Variants in MIDEAS observed in about 807,000 individuals in gnomAD.
MIDEAS encodes the protein mitotic deacetylase-associated SANT domain protein.
A neutral mutation model predicts 102.7 loss-of-function variants in MIDEAS; 26 were observed. The ratio of observed to expected loss-of-function variants is 0.25; its 90% confidence interval spans 0.19 to 0.35. The LOEUF is 0.35. Ranked by LOEUF, MIDEAS falls within the 10% of genes least tolerant of loss-of-function variation. The pLI is 1.00. For synonymous variants in MIDEAS, 585 were observed against 591.0 expected (o/e 0.99, Z 0.15); for missense variants, 1,231 against 1,435.6 (o/e 0.86, Z 2.30).
chr14:73,762,957 A>G (rs1428334061), upstream of MIDEAS, among the ~76,000 whole-genome samples: 1 of 152,216 alleles, frequency 6.6e-6, no homozygotes, highest in Non-Finnish European at 1.5e-5. Context: ...GAGGCTTCCT[A>G]GGGCCACATC....
At chr14:73,751,885 A>G (rs1267935875) in intron 1 of MIDEAS, among the ~76,000 whole-genome samples, 2 of 152,050 alleles carry the variant, frequency 1.3e-5, no homozygotes, top group African/African-American at 4.8e-5. Context: ...GGGCGACAAG[A>G]GCAAAACTCT....
intron 4 of MIDEAS, chr14:73,728,497 C>T (rs940075905): frequency 6.5e-6 from 1 of 153,154 alleles, no homozygotes. Context: ...GTCCTCCCTG[C>T]CCCCCGCCCT....
At chr14:73,785,088 T>C (rs1595305741) in intron 1 of MIDEAS, among the ~76,000 whole-genome samples, 1 of 152,174 alleles carries the variant, frequency 6.6e-6, no homozygotes, top group East Asian at 1.9e-4. Context: ...ATGCCCAGCA[T>C]AAGGTGGTAC....
chr14:73,742,792 G>A lies in MIDEAS; in HGVS notation c.-247-2537C>T, dbSNP rs1020858720. On this transcript the variant is annotated intron_variant, in intron 1 of 12. Transcript: ENST00000423556. This position sits in a 1 kb window ranked among gnomAD's most constrained non-coding sequence, Gnocchi z 4.4. ...GGACCCTCAGAGAAGAAAGGTCATC[G>A]GCTGGGGGTGGGGAGAAGAGTGGAA... Among the ~76,000 whole-genome samples the A allele has an allele frequency of 6.6e-6, 1 of 152,182 alleles. No individual in the cohort carries two copies. Among genetic ancestry groups the A allele is most frequent in the African/African-American group, 2.4e-5 (1 of 41,438 alleles).
chr14:73,761,909 A>C (rs954245557), upstream of MIDEAS, among the ~76,000 whole-genome samples: 1 of 152,172 alleles, frequency 6.6e-6, no homozygotes, highest in Non-Finnish European at 1.5e-5. Flanking sequence ...GGCAGTGAGC[A>C]ATTGAGGAAC....
Position 73,727,064 on chromosome 14 carries a change from G to A in MIDEAS, c.2163-92C>T, listed in dbSNP as rs896771117. On this transcript the variant is annotated intron_variant, in intron 5 of 12. Coordinates refer to ENST00000423556, the MANE Select transcript of MIDEAS (RefSeq NM_001367710.1). The stretch of plus-strand genomic sequence containing the variant: ...CAGGGTGGGAAGAAGATGAGGGGGA[G>A]CCGGCAGAGCAAGGCCTCAGCTAGG... The A allele has an allele frequency of 7.5e-6, 11 of 1,471,432 alleles. No individual in the cohort carries two copies. In the African/African-American group the frequency reaches 1.5e-4, roughly 21 times the overall value. The allele number at this position is 1,471,432 out of a possible 1,614,324, so 91.1% of individuals were successfully genotyped here.
At chr14:73,756,176 G>C (rs1396818488) in intron 1 of MIDEAS, among the ~76,000 whole-genome samples, 2 of 152,092 alleles carry the variant, frequency 1.3e-5, no homozygotes, top group African/African-American at 4.8e-5. Context: ...GCAGAAGTCG[G>C]TGTGGATGAA....
At chr14:73,720,004 A>AGG (rs1210929994) in intron 11 of MIDEAS, among the ~76,000 whole-genome samples, 1 of 151,890 alleles carries the variant, frequency 6.6e-6, no homozygotes. Flanking sequence ...GGGCAAGGGC[A>AGG]GGGGTCAGAG....
chr14:73,735,787 G>T (rs1038289896), intron 3 of MIDEAS, among the ~76,000 whole-genome samples: 1 of 152,194 alleles, frequency 6.6e-6, no homozygotes, highest in African/African-American at 2.4e-5. Context: ...TGGATACCCT[G>T]ATAGCCCTGA....
At chr14:73,733,265 T>C (rs2053161711) in intron 3 of MIDEAS, among the ~76,000 whole-genome samples, 1 of 152,036 alleles carries the variant, frequency 6.6e-6, no homozygotes. Context: ...AAAGCCTAGC[T>C]TCAAATCATC....
rs1356759737 is a variant in MIDEAS, at chr14:73,717,401, C to A, written c.*1442G>T. ...TGGCTTCTTCAAGCCAGAATCCAGG[C>A]CCCATAAACCAAACTAGAATTCTGG... On this transcript the variant is annotated 3_prime_UTR_variant, in exon 13 of 13. Transcript: ENST00000423556. The A allele has an allele frequency of 6.6e-6, 1 of 152,206 alleles. No homozygotes were observed. The highest frequency in any genetic ancestry group is 1.5e-5 in the Non-Finnish European group (1 of 68,046). The allele number at this position is 152,206 out of a possible 1,614,324, so 9.4% of individuals were successfully genotyped here.
chr14:73,747,976 C>A (rs1159564747), intron 1 of MIDEAS, among the ~76,000 whole-genome samples: 1 of 152,144 alleles, frequency 6.6e-6, no homozygotes, highest in Non-Finnish European at 1.5e-5. Context: ...CAATTGAGTG[C>A]CCATGTTTAC....
chr14:73,764,485 CA>C (rs2140161683), upstream of MIDEAS, among the ~76,000 whole-genome samples: 1 of 152,198 alleles, frequency 6.6e-6, no homozygotes, highest in African/African-American at 2.4e-5. Flanking sequence ...AATGTCTCAT[CA>C]GGGGTGTCCT....
At position 73,754,742 on chromosome 14, in the gene MIDEAS, G is replaced by A. The variant is rs897055283; in HGVS notation, c.-248+5021C>T. Among the ~76,000 whole-genome samples the A allele has an allele frequency of 5.3e-5, 8 of 152,252 alleles. No individual in the cohort carries two copies. The East Asian group carries it at 1.5e-3, about 29-fold the overall frequency. The stretch of plus-strand genomic sequence containing the variant: ...GGAGGATCTGTGCCAGGAACTGCCA[G>A]CTCACATGCCGTCTCGGGGTTGCAA... On this transcript the variant is annotated intron_variant, in intron 1 of 12. Transcript: ENST00000423556.
intron 6 of MIDEAS, 40 bp downstream of exon 6, chr14:73,726,790 T>C (rs1181916329): frequency 5.6e-6 from 9 of 1,606,660 alleles, no homozygotes; most frequent in African/African-American, 4.0e-5. Flanking sequence ...GGCCCACCCA[T>C]GTGCCTGCCC....
At chr14:73,753,145 A>C (rs2053441217) in intron 1 of MIDEAS, among the ~76,000 whole-genome samples, 1 of 152,356 alleles carries the variant, frequency 6.6e-6, no homozygotes, top group African/African-American at 2.4e-5. Context: ...CTGGCCGAGC[A>C]GTCCCCAGGC....
chr14:73,758,082 C>T (rs2053507233), intron 1 of MIDEAS, among the ~76,000 whole-genome samples: 1 of 152,148 alleles, frequency 6.6e-6, no homozygotes, highest in African/African-American at 2.4e-5. Context: ...CCGGGAGCTA[C>T]ACGGACCAGA....
rs55692592 is a variant in MIDEAS, at chr14:73,756,295, T to TGTGTGTGTGTGCGC, written c.-248+3467_-248+3468insGCGCACACACACAC. Among the ~76,000 whole-genome samples the TGTGTGTGTGTGCGC allele has an allele frequency of 5.9e-3, 748 of 127,666 alleles. 5 individuals are homozygous for TGTGTGTGTGTGCGC. Among genetic ancestry groups the TGTGTGTGTGTGCGC allele is most frequent in the East Asian group, 9.3e-3 (42 of 4,510 alleles). 83.8% of individuals were successfully genotyped at this position (127,666 alleles called of 152,430 possible). On this transcript the variant is annotated intron_variant, in intron 1 of 12. Coordinates refer to ENST00000423556, the MANE Select transcript of MIDEAS (RefSeq NM_001367710.1). ...GTGTGTGTGTGTGTGTGTGTGTGTG[T>TGTGTGTGTGTGCGC]GCGCGCGCGCGTGCGCGCTGAGGTG... is the stretch of plus-strand genomic sequence containing the variant.
chr14:73,782,075 T>C (rs1049459657), intron 1 of MIDEAS, among the ~76,000 whole-genome samples: 1 of 152,164 alleles, frequency 6.6e-6, no homozygotes, highest in African/African-American at 2.4e-5. Context: ...TATTTTTAAA[T>C]AAAACAAAAC....
Sources: allele counts gnomAD v4.1 joint callset (sites outside exome capture counted in the v4.1 genomes callset), GRCh38; gene constraint gnomAD v4.1.1; non-coding constraint Gnocchi (gnomAD v3.1); transcripts MANE v1.5; gene names NCBI Gene and HGNC (gene_info 2026-07-23, HGNC 2026-07-21).